PXK: variants seen among roughly 807,000 people sequenced by gnomAD.
PXK encodes the protein PX domain containing serine/threonine kinase like.
Under a neutral mutation model 84.7 loss-of-function variants are expected in PXK, and 35 were observed. The observed-to-expected ratio is 0.41, with a 90% CI of 0.32 to 0.55. The LOEUF (loss-of-function observed/expected upper bound fraction) is 0.55. Among genes scored for constraint, PXK ranks in the 20% least tolerant of loss-of-function variants. The pLI is 0.21. For synonymous variants in PXK, 253 were observed against 260.8 expected (o/e 0.97, Z 0.29); for missense variants, 634 against 699.7 (o/e 0.91, Z 1.06).
intron 1 of PXK, among the ~76,000 whole-genome samples, chr3:58,344,592 G>A (rs1199853717): frequency 6.6e-6 from 1 of 152,232 alleles, no homozygotes; most frequent in African/African-American, 2.4e-5. Context: ...GGGAAGCCAA[G>A]ATGGGCAGAT....
intron 12 of PXK, among the ~76,000 whole-genome samples, chr3:58,402,534 A>T (rs2058746666): frequency 6.7e-6 from 1 of 149,100 alleles, no homozygotes; most frequent in African/African-American, 2.5e-5. Flanking sequence ...GGTTCAAGTG[A>T]TCCTCTTGCC....
chr3:58,399,631 T>TGTGTACGTACATTAGCATTGG lies in PXK; in HGVS notation c.1181+259_1181+279dup, dbSNP rs1221086872. ...ATCTCCTCACTCAGCGTTAGCATTG[T>TGTGTACGTACATTAGCATTGG]GTGTACGTACATTAGCATTGGGTGT... On this transcript the variant is annotated intron_variant, in intron 12 of 17. Coordinates refer to ENST00000356151, the MANE Select transcript of PXK (RefSeq NM_017771.5). This position sits in a 1 kb window ranked among gnomAD's most constrained non-coding sequence, Gnocchi z 4.3. Among the ~76,000 whole-genome samples the TGTGTACGTACATTAGCATTGG allele has an allele frequency of 1.3e-5, 2 of 152,156 alleles. No homozygotes were observed. The highest frequency in any genetic ancestry group is 6.5e-5 in the Admixed American group (1 of 15,278).
intron 13 of PXK, among the ~76,000 whole-genome samples, chr3:58,405,571 C>T (rs920263995): frequency 2.6e-5 from 4 of 151,488 alleles, no homozygotes; most frequent in South Asian, 2.1e-4. Flanking sequence ...CCCAGCTACT[C>T]GGGAGGCTGA....
intron 17 of PXK, chr3:58,423,346 C>G: frequency 6.8e-7 from 1 of 1,474,464 alleles, no homozygotes; most frequent in Non-Finnish European, 9.1e-7. Flanking sequence ...TTGTGTAGAA[C>G]CAATGAACAT....
chr3:58,409,440 A>G lies in PXK; in HGVS notation c.1309-92A>G, dbSNP rs2059862386. On this transcript the variant is annotated intron_variant, in intron 14 of 17. Coordinates refer to ENST00000356151, the MANE Select transcript of PXK (RefSeq NM_017771.5). This position sits in a 1 kb window ranked among gnomAD's most constrained non-coding sequence, Gnocchi z 4.2. ...CAAGGAAAGATTTTCTTTTATCCCA[A>G]TAAAATGTGGTTTGCCAAAACATGT... 1.7e-6 allele frequency: 2 copies of G among 1,199,554 alleles called. No individual in the cohort carries two copies. The highest frequency in any genetic ancestry group is 2.4e-6 in the Non-Finnish European group (2 of 826,330). The allele number at this position is 1,199,554 out of a possible 1,614,324, so 74.3% of individuals were successfully genotyped here.
At chr3:58,369,693 G>A (rs903328962) in intron 3 of PXK, among the ~76,000 whole-genome samples, 1 of 152,032 alleles carries the variant, frequency 6.6e-6, no homozygotes, top group African/African-American at 2.4e-5. Context: ...GCGTGGTGGC[G>A]CGTGCCTGTA....
In PXK at chr3:58,393,350, A is replaced by C. The variant is rs190153439; in HGVS notation, c.615+1503A>C. Among the ~76,000 whole-genome samples the C allele has an allele frequency of 7.4e-4, 112 of 152,352 alleles. 2 individuals are homozygous for C. The highest frequency in any genetic ancestry group is 1.1e-3 in the Non-Finnish European group (74 of 68,036). On this transcript the variant is annotated intron_variant, in intron 7 of 17. Transcript: ENST00000356151. ...GCAACAGAGCAGACTCCGTCTCAAA[A>C]AAAAAGAAAGAAAAGAAAAGAAAAC... is the stretch of plus-strand genomic sequence containing the variant.
At chr3:58,371,933 A>G (rs1481975960) in intron 3 of PXK, among the ~76,000 whole-genome samples, 4 of 152,206 alleles carry the variant, frequency 2.6e-5, no homozygotes, top group Admixed American at 2.6e-4. Context: ...AACAGACCAA[A>G]AAGACTCAAA....
At chr3:58,359,401 G>A (rs6794655) in intron 1 of PXK, among the ~76,000 whole-genome samples, 20,676 of 151,482 alleles carry the variant, frequency 0.14, 2,245 homozygotes, top group African/African-American at 0.29. Context: ...ATGGTGGTGC[G>A]TGCCTGTAAA....
At chr3:58,410,851 G>T (rs1213241627) in intron 16 of PXK, among the ~76,000 whole-genome samples, 3 of 152,190 alleles carry the variant, frequency 2.0e-5, no homozygotes, top group African/African-American at 7.2e-5. Context: ...GCCCTGAAGG[G>T]CCACGGGAAT....
chr3:58,423,599 T>C (rs2062302003), intron 17 of PXK: 1 of 1,515,352 alleles, frequency 6.6e-7, no homozygotes, highest in Non-Finnish European at 8.8e-7. Flanking sequence ...CAGTCGTCCA[T>C]ACAAACTTAA....
At chr3:58,369,557 GC>G in intron 3 of PXK, 79 bp downstream of exon 3, 1 of 1,132,066 alleles carries the variant, frequency 8.8e-7, no homozygotes, top group East Asian at 2.4e-5. Flanking sequence ...GGGCACGGTG[GC>G]TCAACGCCTG....
At chr3:58,419,376 C>T (rs1175457611) in intron 17 of PXK, among the ~76,000 whole-genome samples, 1 of 152,244 alleles carries the variant, frequency 6.6e-6, no homozygotes, top group Non-Finnish European at 1.5e-5. Context: ...CTCAGCCTCC[C>T]AGGTAGCTGG....
Position 58,411,111 on chromosome 3 carries a change from T to C in PXK, c.1465+952T>C, listed in dbSNP as rs571747718. Among the ~76,000 whole-genome samples, 2 of 151,958 alleles carry C rather than the reference T, an allele frequency of 1.3e-5. No homozygotes were observed. The highest frequency in any genetic ancestry group is 3.9e-4 in the East Asian group (2 of 5,166). ...GCAGAGATGTTTAGAAGGGAGGAAATTGGGGATATTCACAGGTCATGCCTC... is the reference window on the plus strand; with the variant it reads ...GCAGAGATGTTTAGAAGGGAGGAAACTGGGGATATTCACAGGTCATGCCTC... On this transcript the variant is annotated intron_variant, in intron 16 of 17. Transcript: ENST00000356151. This position sits in a 1 kb window ranked among gnomAD's most constrained non-coding sequence, Gnocchi z 4.2.
chr3:58,393,747 A>G (rs1345577044), intron 7 of PXK, among the ~76,000 whole-genome samples: 2 of 152,236 alleles, frequency 1.3e-5, no homozygotes, highest in African/African-American at 4.8e-5. Context: ...GTAAGGAGAT[A>G]TTGTGACACT....
rs558759015 is a variant in PXK, at chr3:58,391,708, A to C, written c.541-65A>C. ...TATTTTGGATAATAAAATTAAAGGGAAAGACAAGGAATTTTTCTTTTGGTG... is the reference window on the plus strand; with the variant it reads ...TATTTTGGATAATAAAATTAAAGGGCAAGACAAGGAATTTTTCTTTTGGTG... On this transcript the variant is annotated intron_variant, in intron 6 of 17. Coordinates refer to ENST00000356151, the MANE Select transcript of PXK (RefSeq NM_017771.5). 139 of 1,393,300 alleles carry C rather than the reference A, an allele frequency of 1.0e-4. 1 individual carries two copies. The South Asian group carries it at 1.6e-3, about 16-fold the overall frequency. The allele number at this position is 1,393,300 out of a possible 1,614,324, so 86.3% of individuals were successfully genotyped here. A position where few individuals can be genotyped will look rare whatever the true frequency, so the allele number is the denominator to read the frequency against.
At position 58,396,838 on chromosome 3, in the gene PXK, T is replaced by C. The variant is rs1382708494; in HGVS notation, c.823-201T>C. 7.2e-5 allele frequency among the ~76,000 whole-genome samples: 11 copies of C among 152,358 alleles called. No individual in the cohort carries two copies. In the East Asian group the frequency reaches 1.9e-3, roughly 27 times the overall value. The stretch of plus-strand genomic sequence containing the variant: ...GAGGAAAGAAAGAACTGATGTTGCA[T>C]CTCACAGCCTCAAAACTGGAAAGCA... On this transcript the variant is annotated intron_variant, in intron 9 of 17. Coordinates refer to ENST00000356151, the MANE Select transcript of PXK (RefSeq NM_017771.5).
chr3:58,375,434 A>G (rs1407260158), intron 3 of PXK, among the ~76,000 whole-genome samples: 1 of 152,194 alleles, frequency 6.6e-6, no homozygotes. Flanking sequence ...GGTTATTGTT[A>G]AGCAGTTGGT....
Position 58,409,710 on chromosome 3 carries a change from G to C in PXK, c.1395+92G>C. ...TAATGGTGCCCATTTAATGACAGAT[G>C]CTGTGCTATATCTCCTTGAAAGCTA... On this transcript the variant is annotated intron_variant, in intron 15 of 17. Transcript: ENST00000356151. This position sits in a 1 kb window ranked among gnomAD's most constrained non-coding sequence, Gnocchi z 4.2. The C allele has an allele frequency of 9.9e-7, 1 of 1,013,424 alleles. No individual in the cohort carries two copies. The highest frequency in any genetic ancestry group is 1.5e-6 in the Non-Finnish European group (1 of 689,090). 62.8% of individuals were successfully genotyped at this position (1,013,424 alleles called of 1,614,324 possible).
Sources: gnomAD v4.1 joint callset for allele counts (sites outside exome capture counted in the v4.1 genomes callset) on GRCh38, gnomAD v4.1.1 for gene constraint, Gnocchi (gnomAD v3.1) non-coding constraint, MANE v1.5 for transcripts, NCBI Gene and HGNC (gene_info 2026-07-23, HGNC 2026-07-21) for gene names.